Variants in MPPED2 observed in about 807,000 individuals in gnomAD.
MPPED2 encodes metallophosphoesterase MPPED2.
In MPPED2, 5 loss-of-function variants were observed where a neutral mutation model predicts 33.0. The observed-to-expected ratio is 0.15, with a 90% CI of 0.08 to 0.32. The LOEUF (loss-of-function observed/expected upper bound fraction) is 0.32, where lower values mean the gene tolerates loss of function less well. Ranked by LOEUF, MPPED2 falls within the 10% of genes least tolerant of loss-of-function variation. The probability of loss-of-function intolerance (pLI) is 1.00; values close to 1 mark genes in which losing one functional copy is unlikely to be tolerated. For missense variants in MPPED2, 275 were observed against 372.1 expected, an observed-to-expected ratio of 0.74 and a Z score of 2.15; for synonymous variants, 136 against 141.9, an observed-to-expected ratio of 0.96 and a Z score of 0.29.
rs902280690 is a variant in MPPED2 at position 30,565,401 on chromosome 11, A to G, written c.128+14845T>C. On this transcript the variant is annotated intron_variant, in intron 2 of 6. Transcript: ENST00000358117. ...GAAAGATTTTCATATACTAAGGAGC[A>G]CTGACTCCTCAATTACTAAACCATA... Among the ~76,000 whole-genome samples the G allele has an allele frequency of 3.9e-5, 6 of 152,162 alleles. No homozygotes were observed. The South Asian group carries it at 1.2e-3, about 32-fold the overall frequency.
intron 2 of MPPED2, among the ~76,000 whole-genome samples, chr11:30,569,308 A>C (rs1039119546): frequency 1.3e-5 from 2 of 152,306 alleles, no homozygotes; most frequent in African/African-American, 4.8e-5. Context: ...CCACTGTACC[A>C]AACAGGATAC....
chr11:30,553,014 G>A (rs577875282), intron 2 of MPPED2, among the ~76,000 whole-genome samples: 5 of 152,162 alleles, frequency 3.3e-5, no homozygotes, highest in East Asian at 1.9e-4. Flanking sequence ...TAATGTTCTC[G>A]ACAGGCCCGG....
intron 2 of MPPED2, among the ~76,000 whole-genome samples, chr11:30,545,461 G>T (rs1300175706): frequency 6.6e-6 from 1 of 152,050 alleles, no homozygotes; most frequent in Non-Finnish European, 1.5e-5. Flanking sequence ...ATCCTACACC[G>T]AGTCTCCCGT....
chr11:30,471,005 A>G (rs539340769), intron 4 of MPPED2, among the ~76,000 whole-genome samples: 1 of 152,338 alleles, frequency 6.6e-6, no homozygotes. Flanking sequence ...GTTTCTCACA[A>G]TAGGGCTCCT....
At chr11:30,487,115 T>C (rs1951775268) in intron 4 of MPPED2, among the ~76,000 whole-genome samples, 2 of 152,208 alleles carry the variant, frequency 1.3e-5, no homozygotes, top group Non-Finnish European at 2.9e-5. Context: ...TGATGGAGCT[T>C]GTAATCACTT....
At position 30,416,429 on chromosome 11, in the gene MPPED2, G is replaced by A. The variant is rs541224166; in HGVS notation, c.652+1089C>T. ...TCTACAAAAATTAAACTTGCATTAGGAAATGAATGTTATTTTTTTTTCTTT... is the reference window on the plus strand; with the variant it reads ...TCTACAAAAATTAAACTTGCATTAGAAAATGAATGTTATTTTTTTTTCTTT... On this transcript the variant is annotated intron_variant, in intron 5 of 6. Coordinates refer to ENST00000358117, the MANE Select transcript of MPPED2 (RefSeq NM_001584.3). 3.3e-5 allele frequency among the ~76,000 whole-genome samples: 5 copies of A among 152,312 alleles called. No homozygotes were observed. The South Asian group carries it at 1.0e-3, about 32-fold the overall frequency.
chr11:30,445,682 C>A (rs528269411), intron 4 of MPPED2, among the ~76,000 whole-genome samples: 1 of 152,312 alleles, frequency 6.6e-6, no homozygotes, highest in East Asian at 1.9e-4. Flanking sequence ...CTCTAAGTAC[C>A]TCATACAAGT....
chr11:30,415,037 A>G (rs996949839), intron 5 of MPPED2, among the ~76,000 whole-genome samples: 3 of 152,232 alleles, frequency 2.0e-5, no homozygotes, highest in South Asian at 2.1e-4. Flanking sequence ...CTGGATGATT[A>G]TGGCCTGGAA....
At chr11:30,474,277 G>A (rs1226946927) in intron 4 of MPPED2, among the ~76,000 whole-genome samples, 2 of 152,164 alleles carry the variant, frequency 1.3e-5, no homozygotes, top group Admixed American at 1.3e-4. Flanking sequence ...TGGAAAAAGA[G>A]GTTGGAAGAC....
intron 4 of MPPED2, among the ~76,000 whole-genome samples, chr11:30,460,000 C>T (rs1280334157): frequency 6.6e-6 from 1 of 152,118 alleles, no homozygotes; most frequent in African/African-American, 2.4e-5. Context: ...GACCACATGG[C>T]CACTGTGGGA....
chr11:30,438,075 C>A (rs535368755), intron 4 of MPPED2, among the ~76,000 whole-genome samples: 1 of 152,126 alleles, frequency 6.6e-6, no homozygotes, highest in Non-Finnish European at 1.5e-5. Flanking sequence ...AGTTAAAATA[C>A]GCAAAGCACT....
At chr11:30,530,867 T>C (rs1267467389) in intron 3 of MPPED2, among the ~76,000 whole-genome samples, 2 of 152,218 alleles carry the variant, frequency 1.3e-5, no homozygotes, top group Non-Finnish European at 2.9e-5. Flanking sequence ...AGGGCCAACG[T>C]GCAGGAAGAA....
intron 4 of MPPED2, among the ~76,000 whole-genome samples, chr11:30,450,968 T>C (rs1402558643): frequency 6.6e-6 from 1 of 152,188 alleles, no homozygotes; most frequent in Non-Finnish European, 1.5e-5. Flanking sequence ...ATTTAAAGGA[T>C]TCATAAACTA....
chr11:30,434,146 C>T (rs1949213354), intron 4 of MPPED2, among the ~76,000 whole-genome samples: 1 of 152,190 alleles, frequency 6.6e-6, no homozygotes, highest in African/African-American at 2.4e-5. Context: ...AATTTAATCA[C>T]ACCTGCAAAA....
chr11:30,448,898 C>G (rs944292536), intron 4 of MPPED2, among the ~76,000 whole-genome samples: 2 of 151,964 alleles, frequency 1.3e-5, no homozygotes, highest in Non-Finnish European at 2.9e-5. Context: ...AGGTGATCTG[C>G]CTGCCTCGGC....
intron 4 of MPPED2, among the ~76,000 whole-genome samples, chr11:30,435,071 AT>A (rs1269589375): frequency 6.6e-6 from 1 of 152,204 alleles, no homozygotes; most frequent in Non-Finnish European, 1.5e-5. Flanking sequence ...TTAAACCAGA[AT>A]TAGCATAGTT....
chr11:30,461,817 T>A (rs938686760), intron 4 of MPPED2, among the ~76,000 whole-genome samples: 4 of 152,232 alleles, frequency 2.6e-5, no homozygotes, highest in Non-Finnish European at 4.4e-5. Flanking sequence ...CTCTAGAATT[T>A]TTTGTCTAAT....
At chr11:30,563,605 A>G (rs1294639156) in intron 2 of MPPED2, among the ~76,000 whole-genome samples, 2 of 152,222 alleles carry the variant, frequency 1.3e-5, no homozygotes, top group African/African-American at 2.4e-5. Flanking sequence ...AGCAAGCATG[A>G]TAGGCCATTA....
intron 3 of MPPED2, among the ~76,000 whole-genome samples, chr11:30,513,333 C>G: frequency 6.6e-6 from 1 of 152,084 alleles, no homozygotes; most frequent in East Asian, 1.9e-4. Context: ...TTTGGTCAGG[C>G]CTTGTCTTCT....
Sources: allele counts gnomAD v4.1 joint callset (sites outside exome capture counted in the v4.1 genomes callset), GRCh38; gene constraint gnomAD v4.1.1; transcripts MANE v1.5; gene names NCBI Gene and HGNC (gene_info 2026-07-23, HGNC 2026-07-21).